The following HDGFL1 variants were observed in gnomAD, a reference collection of about 807,000 sequenced individuals.
The protein encoded by HDGFL1 is HDGF like 1, also known as hepatoma-derived growth factor-like protein 1.
For missense variants in HDGFL1, 422 were observed against 365.3 expected, an observed-to-expected ratio of 1.16 and a Z score of -1.27; for synonymous variants, 190 against 165.1, an observed-to-expected ratio of 1.15 and a Z score of -1.16.
rs147735460 is a variant in HDGFL1 at position 22,569,892 on chromosome 6, GGCCGGA to G, written c.321_326del (p.Pro109_Glu110del). ...GAGAAGGGCAGCGGAGACGGGCCTT[GGCCGGA>G]GCCCGAGGCCGCAGAGGGCGACGAG... is the stretch of plus-strand genomic sequence containing the variant. On this transcript the variant is annotated inframe_deletion, in exon 1 of 1. Transcript: ENST00000510882. The G allele has an allele frequency of 1.0e-3, 1,605 of 1,569,608 alleles. 1 individual carries two copies. Among genetic ancestry groups the G allele is most frequent in the Non-Finnish European group, 1.2e-3 (1,445 of 1,157,776 alleles).
In HDGFL1 at chr6:22,570,101, G is replaced by A. The variant is rs567629629; in HGVS notation, c.526G>A (p.Ala176Thr). The stretch of plus-strand genomic sequence containing the variant: ...AGAGGAGGAGGCGGAGGCGGAGAGG[G>A]CGGCGGAAGCGGAGAGGGCGGCGGC... ...DQEEEAEAER[A>T]AEAERAAAAA... The change falls in exon 1 of 1, where the codon GCG becomes ACG. Residue 176 changes from alanine (A) to threonine (T), a missense_variant. Coordinates refer to ENST00000510882, the MANE Select transcript of HDGFL1 (RefSeq NM_138574.4). 22 of 1,536,114 alleles carry A rather than the reference G, an allele frequency of 1.4e-5. No individual in the cohort carries two copies. The African/African-American group carries it at 3.0e-4, about 21-fold the overall frequency.
chr6:22,569,588 G>A lies in HDGFL1; in HGVS notation c.13G>A (p.Gly5Ser), dbSNP rs200249690. 8.1e-6 allele frequency: 13 copies of A among 1,613,672 alleles called. No individual in the cohort carries two copies. The highest frequency in any genetic ancestry group is 5.0e-5 in the Admixed American group (3 of 60,012). MSAY[G>S]MPMYKSGDLV... ...CGCAGAACCAGCTATGTCGGCCTAC[G>A]GCATGCCCATGTACAAGAGCGGGGA... The change falls in exon 1 of 1, where the codon GGC (glycine) becomes AGC (serine). Residue 5 changes from glycine (G) to serine (S), a missense_variant. Physicochemically the swap from Gly to Ser is moderately conservative, Grantham distance 56. Coordinates refer to ENST00000510882, the MANE Select transcript of HDGFL1 (RefSeq NM_138574.4).
Position 22,570,322 on chromosome 6 carries a change from C to T in HDGFL1, c.747C>T (p.Asp249=), listed in dbSNP as rs767890617. The T allele has an allele frequency of 2.0e-6, 3 of 1,466,708 alleles. No homozygotes were observed. The highest frequency in any genetic ancestry group is 2.7e-6 in the Non-Finnish European group (3 of 1,110,580). The allele number at this position is 1,466,708 out of a possible 1,614,324, so 90.9% of individuals were successfully genotyped here. Residue 249 remains aspartate, a synonymous_variant, in exon 1 of 1, where the codon GAC becomes GAT. Coordinates refer to ENST00000510882, the MANE Select transcript of HDGFL1 (RefSeq NM_138574.4). ...AGGCACCGGGCGGCGGAGATCGCGACAGCCTGTAGTTACCAGCGTTTCCAG... is the reference window on the plus strand; with the variant it reads ...AGGCACCGGGCGGCGGAGATCGCGATAGCCTGTAGTTACCAGCGTTTCCAG... ...HAEAPGGGDR[D]SL is the part of the protein sequence containing the mutation.
Position 22,569,904 on chromosome 6 carries a change from A to C in HDGFL1, c.329A>C (p.Glu110Ala). 6.4e-7 allele frequency: 1 copy of C among 1,560,784 alleles called. No homozygotes were observed. Among genetic ancestry groups the C allele is most frequent in the Non-Finnish European group, 8.7e-7 (1 of 1,153,030 alleles). The change falls in exon 1 of 1, where the codon GAG (glutamate) becomes GCG (alanine). Residue 110 changes from glutamate to alanine, a missense_variant. Transcript: ENST00000510882. ...GSGDGPWPEP[E>A]AAEGDEDKPT... Reference sequence around the variant, plus strand: ...GGAGACGGGCCTTGGCCGGAGCCCGAGGCCGCAGAGGGCGACGAGGACAAG... The same window carrying C: ...GGAGACGGGCCTTGGCCGGAGCCCGCGGCCGCAGAGGGCGACGAGGACAAG...
Position 22,569,913 on chromosome 6 carries a change from A to C in HDGFL1, c.338A>C (p.Glu113Ala). 6.4e-7 allele frequency: 1 copy of C among 1,556,452 alleles called. No homozygotes were observed. Among genetic ancestry groups the C allele is most frequent in the Non-Finnish European group, 8.7e-7 (1 of 1,150,692 alleles). The change falls in exon 1 of 1, where the codon GAG becomes GCG. Residue 113 changes from glutamate (E) to alanine (A), a missense_variant. Transcript: ENST00000510882. ...CCTTGGCCGGAGCCCGAGGCCGCAGAGGGCGACGAGGACAAGCCGACCCAC... is the reference window on the plus strand; with the variant it reads ...CCTTGGCCGGAGCCCGAGGCCGCAGCGGGCGACGAGGACAAGCCGACCCAC... ...DGPWPEPEAAEGDEDKPTHAG... is the reference protein window; with the variant it reads ...DGPWPEPEAAAGDEDKPTHAG...
rs941958483 is a variant in HDGFL1, at chr6:22,570,204, C to T, written c.629C>T (p.Pro210Leu). 3.4e-5 allele frequency: 54 copies of T among 1,565,430 alleles called. No individual in the cohort carries two copies. Among genetic ancestry groups the T allele is most frequent in the Non-Finnish European group, 4.5e-5 (52 of 1,160,724 alleles). Residue 210 changes from proline to leucine, a missense_variant, in exon 1 of 1, where the codon CCG (proline) becomes CTG (leucine). Physicochemically the swap from Pro to Leu is moderately conservative, Grantham distance 98 (BLOSUM62 -3). Transcript: ENST00000510882. ...AVENGSAPSE[P>L]GLVCEPPQPE... The stretch of plus-strand genomic sequence containing the variant: ...GAGAACGGCAGCGCCCCTAGCGAGC[C>T]GGGCCTGGTCTGCGAGCCGCCTCAG...
rs1004668002 is a variant in HDGFL1 at position 22,570,506 on chromosome 6, C to T, written c.*175C>T. 3 of 535,782 alleles carry T rather than the reference C, an allele frequency of 5.6e-6. No homozygotes were observed. The Admixed American group carries it at 1.2e-4, about 22-fold the overall frequency. 33.2% of individuals were successfully genotyped at this position (535,782 alleles called of 1,614,324 possible). ...CCAGGATGGCAGGCCACCTGACTCT[C>T]ACCTCTGTGCCCCCACGCCTCTGTG... On this transcript the variant is annotated 3_prime_UTR_variant, in exon 1 of 1. Transcript: ENST00000510882.
At chr6:22,570,137 G>GCGACGGCCGTCGA in the HDGFL1 span, 1 of 1,532,030 alleles carries the variant, frequency 6.5e-7, no homozygotes, top group Non-Finnish European at 8.8e-7. Context: ...GGCGGCGGCG[G>GCGACGGCCGTCGA]CGACGGCCGT....
chr6:22,569,693 G>T lies in HDGFL1; in HGVS notation c.118G>T (p.Val40Leu). The T allele has an allele frequency of 6.2e-7, 1 of 1,614,196 alleles. No homozygotes were observed. The highest frequency in any genetic ancestry group is 8.5e-7 in the Non-Finnish European group (1 of 1,180,036). The change falls in exon 1 of 1, where the codon GTG (valine) becomes TTG (leucine). Residue 40 changes from valine to leucine, a missense_variant. Transcript: ENST00000510882. The part of the protein sequence containing the change: ...EHMTQPNRYQ[V>L]FFFGTHETAF... ...CATGACCCAGCCCAACCGCTACCAGGTGTTTTTCTTCGGGACCCACGAGAC... is the reference window on the plus strand; with the variant it reads ...CATGACCCAGCCCAACCGCTACCAGTTGTTTTTCTTCGGGACCCACGAGAC...
rs1369543802 is a variant in HDGFL1, at chr6:22,571,341, C to T, written c.*1010C>T. ...ATTGCTGTTCCATTGCTGAGACAAA[C>T]TGGAAGGCTCCCTTTCTGTTTGAAG... On this transcript the variant is annotated 3_prime_UTR_variant, in exon 1 of 1. Transcript: ENST00000510882. 6.0e-6 allele frequency: 1 copy of T among 167,206 alleles called. No individual in the cohort carries two copies. The highest frequency in any genetic ancestry group is 1.5e-5 in the Non-Finnish European group (1 of 68,166). The allele number at this position is 167,206 out of a possible 1,614,324, so 10.4% of individuals were successfully genotyped here. A position where few individuals can be genotyped will look rare whatever the true frequency, so the allele number is the denominator to read the frequency against.
chr6:22,570,383 G>A lies in HDGFL1; in HGVS notation c.*52G>A. On this transcript the variant is annotated 3_prime_UTR_variant, in exon 1 of 1. Coordinates refer to ENST00000510882, the MANE Select transcript of HDGFL1 (RefSeq NM_138574.4). ...GCCCCGTTCCTGCTGCGGCCTGGCCGTTCTTGGGGAATCTGACCACGGCGT... is the reference window on the plus strand; with the variant it reads ...GCCCCGTTCCTGCTGCGGCCTGGCCATTCTTGGGGAATCTGACCACGGCGT... The A allele has an allele frequency of 7.1e-7, 1 of 1,411,606 alleles. No individual in the cohort carries two copies. The highest frequency in any genetic ancestry group is 9.3e-7 in the Non-Finnish European group (1 of 1,080,126). The allele number at this position is 1,411,606 out of a possible 1,614,324, so 87.4% of individuals were successfully genotyped here. A position where few individuals can be genotyped will look rare whatever the true frequency, so the allele number is the denominator to read the frequency against.
In HDGFL1 at chr6:22,570,030, C is replaced by T; in HGVS notation, c.455C>T (p.Pro152Leu). Residue 152 changes from proline to leucine, a missense_variant, in exon 1 of 1, where the codon CCG becomes CTG. Coordinates refer to ENST00000510882, the MANE Select transcript of HDGFL1 (RefSeq NM_138574.4). ...KGPLKRSAGD[P>L]PEDAPKRPKE... ...CCGCTGAAGAGGAGCGCGGGGGACC[C>T]GCCGGAGGACGCCCCCAAACGACCC... 2 of 1,546,606 alleles carry T rather than the reference C, an allele frequency of 1.3e-6. No homozygotes were observed. The highest frequency in any genetic ancestry group is 1.7e-6 in the Non-Finnish European group (2 of 1,145,922).
Position 22,571,067 on chromosome 6 carries a change from C to G in HDGFL1, c.*736C>G, listed in dbSNP as rs928167929. On this transcript the variant is annotated 3_prime_UTR_variant, in exon 1 of 1. Transcript: ENST00000510882. Reference sequence around the variant, plus strand: ...TGAAAACTTAACTTTGCCCAATATCCTGGTTGGGGACCGTGAGAAATATCT... The same window carrying G: ...TGAAAACTTAACTTTGCCCAATATCGTGGTTGGGGACCGTGAGAAATATCT... The G allele has an allele frequency of 4.8e-5, 8 of 166,984 alleles. No homozygotes were observed. Among genetic ancestry groups the G allele is most frequent in the African/African-American group, 1.7e-4 (7 of 41,422 alleles). 10.3% of individuals were successfully genotyped at this position (166,984 alleles called of 1,614,324 possible).
At position 22,570,122 on chromosome 6, in the gene HDGFL1, GCGGCGGCGGCGGCGGCGA is replaced by G. The variant is rs1760893843; in HGVS notation, c.552_569del (p.Ala185_Ala190del). 5 of 1,528,164 alleles carry G rather than the reference GCGGCGGCGGCGGCGGCGA, an allele frequency of 3.3e-6. No individual in the cohort carries two copies. Among genetic ancestry groups the G allele is most frequent in the African/African-American group, 1.4e-5 (1 of 72,644 alleles). The allele number at this position is 1,528,164 out of a possible 1,614,324, so 94.7% of individuals were successfully genotyped here. A position where few individuals can be genotyped will look rare whatever the true frequency, so the allele number is the denominator to read the frequency against. On this transcript the variant is annotated inframe_deletion, in exon 1 of 1. Coordinates refer to ENST00000510882, the MANE Select transcript of HDGFL1 (RefSeq NM_138574.4). Reference sequence around the variant, plus strand: ...GAGGGCGGCGGAAGCGGAGAGGGCGGCGGCGGCGGCGGCGGCGACGGCCGTCGACGAGGAGAGTCCGTT... The same window carrying G: ...GAGGGCGGCGGAAGCGGAGAGGGCGGCGGCCGTCGACGAGGAGAGTCCGTT...
At position 22,570,483 on chromosome 6, in the gene HDGFL1, A is replaced by G. The variant is rs1056728006; in HGVS notation, c.*152A>G. On this transcript the variant is annotated 3_prime_UTR_variant, in exon 1 of 1. Transcript: ENST00000510882. ...GCGCTCCTTTGCCCTGCCGGGCCCC[A>G]GGATGGCAGGCCACCTGACTCTCAC... The G allele has an allele frequency of 1.4e-6, 1 of 717,086 alleles. No individual in the cohort carries two copies. The highest frequency in any genetic ancestry group is 2.1e-6 in the Non-Finnish European group (1 of 484,220). 44.4% of individuals were successfully genotyped at this position (717,086 alleles called of 1,614,324 possible).
rs1760904206 is a variant in HDGFL1 at position 22,570,404 on chromosome 6, G to A, written c.*73G>A. 1 of 1,381,256 alleles carries A rather than the reference G, an allele frequency of 7.2e-7. No individual in the cohort carries two copies. Among genetic ancestry groups the A allele is most frequent in the Non-Finnish European group, 9.5e-7 (1 of 1,055,048 alleles). 85.6% of individuals were successfully genotyped at this position (1,381,256 alleles called of 1,614,324 possible). On this transcript the variant is annotated 3_prime_UTR_variant, in exon 1 of 1. Transcript: ENST00000510882. Reference sequence around the variant, plus strand: ...GGCCGTTCTTGGGGAATCTGACCACGGCGTGCAAACTGGGACTGCCTTTCC... The same window carrying A: ...GGCCGTTCTTGGGGAATCTGACCACAGCGTGCAAACTGGGACTGCCTTTCC...
chr6:22,571,236 C>A lies in HDGFL1; in HGVS notation c.*905C>A, dbSNP rs1369787631. ...AGAAAAGACACATATTTTATAAAAT[C>A]TTTTTAATAAAAGGAAGTTCCAAGA... is the stretch of plus-strand genomic sequence containing the variant. On this transcript the variant is annotated 3_prime_UTR_variant, in exon 1 of 1. Transcript: ENST00000510882. 6.0e-6 allele frequency: 1 copy of A among 167,022 alleles called. No individual in the cohort carries two copies. Among genetic ancestry groups the A allele is most frequent in the Non-Finnish European group, 1.5e-5 (1 of 68,104 alleles). 10.3% of individuals were successfully genotyped at this position (167,022 alleles called of 1,614,324 possible).
In HDGFL1 at chr6:22,571,350, T is replaced by G. The variant is rs571915070; in HGVS notation, c.*1019T>G. 6.0e-6 allele frequency: 1 copy of G among 167,272 alleles called. No homozygotes were observed. The highest frequency in any genetic ancestry group is 1.9e-4 in the East Asian group (1 of 5,190). 10.4% of individuals were successfully genotyped at this position (167,272 alleles called of 1,614,324 possible). On this transcript the variant is annotated 3_prime_UTR_variant, in exon 1 of 1. Transcript: ENST00000510882. ...CCATTGCTGAGACAAACTGGAAGGC[T>G]CCCTTTCTGTTTGAAGTTTTATGAC...
Position 22,569,572 on chromosome 6 carries a change from A to G in HDGFL1, c.-4A>G, listed in dbSNP as rs1244516801. 3 of 1,610,752 alleles carry G rather than the reference A, an allele frequency of 1.9e-6. No individual in the cohort carries two copies. Among genetic ancestry groups the G allele is most frequent in the Admixed American group, 1.7e-5 (1 of 59,810 alleles). On this transcript the variant is annotated 5_prime_UTR_variant, in exon 1 of 1. Coordinates refer to ENST00000510882, the MANE Select transcript of HDGFL1 (RefSeq NM_138574.4). Reference sequence around the variant, plus strand: ...TGGCCCAGGCGGGGTCCGCAGAACCAGCTATGTCGGCCTACGGCATGCCCA... The same window carrying G: ...TGGCCCAGGCGGGGTCCGCAGAACCGGCTATGTCGGCCTACGGCATGCCCA...
Sources: allele counts gnomAD v4.1 joint callset, GRCh38; gene constraint gnomAD v4.1.1; transcripts MANE v1.5; gene names NCBI Gene and HGNC (gene_info 2026-07-23, HGNC 2026-07-21).